Variants in TFIP11 observed in about 807,000 individuals in gnomAD.
The protein encoded by TFIP11 is tuftelin-interacting protein 11.
A neutral mutation model predicts 96.8 loss-of-function variants in TFIP11; 86 were observed. The observed-to-expected ratio is 0.89, with a 90% confidence interval of 0.75 to 1.06. The LOEUF (loss-of-function observed/expected upper bound fraction) is 1.06. TFIP11 is among the 50% of genes least tolerant of loss of function. The pLI is 0.00. For missense variants in TFIP11, 881 were observed against 1,076.7 expected (o/e 0.82, Z 2.54); for synonymous variants, 405 against 395.2 (o/e 1.02, Z -0.29).
rs780933985 is a variant in TFIP11, at chr22:26,499,225, A to G, written c.1208T>C (p.Ile403Thr). Residue 403 changes from isoleucine (I) to threonine (T), a missense_variant, in exon 9 of 15, where the codon ATC becomes ACC. Transcript: ENST00000407690. Reference protein sequence around the residue: ...NPLTLDECARIFETLQDKYYE... With the variant: ...NPLTLDECARTFETLQDKYYE... ...GTACTTGTCCTGCAGGGTTTCGAAG[A>G]TGCGGGCACACTCGTCCAGGGTGAG... The G allele has an allele frequency of 3.1e-6, 5 of 1,614,018 alleles. No individual in the cohort carries two copies. Among genetic ancestry groups the G allele is most frequent in the Non-Finnish European group, 3.4e-6 (4 of 1,179,968 alleles).
chr22:26,506,663 G>A (rs1381405184), intron 5 of TFIP11, 112 bp downstream of exon 5: 1 of 1,437,620 alleles, frequency 7.0e-7, no homozygotes, highest in Non-Finnish European at 9.6e-7. Context: ...CCACCAAAAG[G>A]AGACACTCAC....
intron 4 of TFIP11, among the ~76,000 whole-genome samples, chr22:26,507,630 C>CAA (rs134137): frequency 1.7e-5 from 2 of 115,570 alleles, no homozygotes; most frequent in Admixed American, 8.8e-5. Flanking sequence ...ACCTTATCTC[C>CAA]AAAAAAAAAA....
intron 10 of TFIP11, among the ~76,000 whole-genome samples, chr22:26,497,693 T>C (rs1300438360): frequency 6.6e-6 from 1 of 152,142 alleles, no homozygotes; most frequent in African/African-American, 2.4e-5. Context: ...CTGGCCAACA[T>C]GGTGAAACCC....
chr22:26,492,616 A>G (rs1238208609), intron 14 of TFIP11: 3 of 491,600 alleles, frequency 6.1e-6, no homozygotes, highest in Non-Finnish European at 7.4e-6. Flanking sequence ...AAAATGAAGT[A>G]TCTGCAAGGG....
intron 8 of TFIP11, 30 bp from the exon 9 acceptor site, chr22:26,499,661 C>T: frequency 6.3e-7 from 1 of 1,578,260 alleles, no homozygotes; most frequent in East Asian, 2.2e-5. Context: ...TGAAGGTTAA[C>T]ACCGCTGCAG....
intron 6 of TFIP11, among the ~76,000 whole-genome samples, chr22:26,504,175 A>T (rs1299768083): frequency 1.3e-5 from 2 of 152,178 alleles, no homozygotes; most frequent in Non-Finnish European, 1.5e-5. Flanking sequence ...CCAATACTAT[A>T]CTGATTCTGA....
At chr22:26,508,025 T>C (rs909576207) in intron 4 of TFIP11, among the ~76,000 whole-genome samples, 1 of 152,040 alleles carries the variant, frequency 6.6e-6, no homozygotes, top group Non-Finnish European at 1.5e-5. Context: ...TGAGAAACGC[T>C]TGAACCCAGG....
chr22:26,504,148 G>C (rs1406586786), intron 6 of TFIP11, among the ~76,000 whole-genome samples: 2 of 152,182 alleles, frequency 1.3e-5, no homozygotes, highest in East Asian at 1.9e-4. Context: ...GCCTCTATTA[G>C]GGAAAATGCA....
chr22:26,508,207 G>A (rs1331862682), intron 4 of TFIP11, among the ~76,000 whole-genome samples: 1 of 152,170 alleles, frequency 6.6e-6, no homozygotes, highest in East Asian at 1.9e-4. Context: ...AGAATTTAGG[G>A]AGTTTTTTCC....
In TFIP11 at chr22:26,498,927, C is replaced by G. The variant is rs768071277; in HGVS notation, c.1378G>C (p.Glu460Gln). ...EIISKWKSLL[E>Q]NDQLLSHGGQ... ...CCATGGGACAAGAGCTGGTCATTCTCTAGGAGGCTTTTCCACTTAGAGATG... is the reference window on the plus strand; with the variant it reads ...CCATGGGACAAGAGCTGGTCATTCTGTAGGAGGCTTTTCCACTTAGAGATG... Residue 460 changes from glutamate to glutamine, a missense_variant, in exon 10 of 15, where the codon GAG becomes CAG. By Grantham distance (29) the Glu-to-Gln change is conservative. Transcript: ENST00000407690. The G allele has an allele frequency of 3.1e-6, 5 of 1,613,862 alleles. No homozygotes were observed. In the East Asian group the frequency reaches 8.9e-5, roughly 29 times the overall value.
chr22:26,507,202 G>A (rs868260451), intron 4 of TFIP11, among the ~76,000 whole-genome samples: 2 of 152,126 alleles, frequency 1.3e-5, no homozygotes, highest in African/African-American at 2.4e-5. Context: ...AAAATATGAT[G>A]TGATAATACA....
At position 26,496,751 on chromosome 22, in the gene TFIP11, G is replaced by A. The variant is rs779163266; in HGVS notation, c.1575C>T (p.Asp525=). Residue 525 remains aspartate, a synonymous_variant, in exon 11 of 15, where the codon GAC becomes GAT. Coordinates refer to ENST00000407690, the MANE Select transcript of TFIP11 (RefSeq NM_012143.4). ...TTTGCAGCTTGGGGAAGATGAGTTG[G>A]TCCAGTATGTTATCTAAGATCCACA... ...IPVWILDNIL[D]QLIFPKLQKE... 1 of 1,612,422 alleles carries A rather than the reference G, an allele frequency of 6.2e-7. No homozygotes were observed. The highest frequency in any genetic ancestry group is 8.5e-7 in the Non-Finnish European group (1 of 1,179,444).
chr22:26,505,703 TTTATTTA>T (rs1569164254), intron 6 of TFIP11, among the ~76,000 whole-genome samples: 1 of 72,708 alleles, frequency 1.4e-5, no homozygotes, highest in Non-Finnish European at 2.6e-5. Context: ...ATTCTATTTA[TTTATTTA>T]TTTATTTATT....
intron 12 of TFIP11, 117 bp from the exon 13 acceptor site, chr22:26,495,056 G>C (rs1555920380): frequency 7.3e-7 from 1 of 1,373,364 alleles, no homozygotes; most frequent in Non-Finnish European, 9.9e-7. Flanking sequence ...CCGCCTCCCG[G>C]GTTCAAGTGA....
At position 26,496,797 on chromosome 22, in the gene TFIP11, C is replaced by A; in HGVS notation, c.1529G>T (p.Ser510Ile). 6.2e-7 allele frequency: 1 copy of A among 1,614,172 alleles called. No homozygotes were observed. Among genetic ancestry groups the A allele is most frequent in the Non-Finnish European group, 8.5e-7 (1 of 1,180,032 alleles). ...NCDPMVDFLD[S>I]WVHIIPVWIL... ...CCACACAGGAATAATGTGCACCCAACTATCCAAAAAGTCCACCATCGGGTC... is the reference window on the plus strand; with the variant it reads ...CCACACAGGAATAATGTGCACCCAAATATCCAAAAAGTCCACCATCGGGTC... The change falls in exon 11 of 15, where the codon AGT (serine) becomes ATT (isoleucine). Residue 510 changes from serine (S) to isoleucine (I), a missense_variant. Physicochemically the swap from Ser to Ile is moderately radical, Grantham distance 142 (BLOSUM62 -2). Transcript: ENST00000407690.
rs561422389 is a variant in TFIP11, at chr22:26,506,872, G to A, written c.266C>T (p.Ala89Val). The part of the protein sequence containing the change: ...NFISAGLKKG[A>V]AEEAELEDSD... ...ATCTTCCAACTCTGCCTCCTCCGCT[G>A]CCCCTTTCTTGAGCCCTGCGCTGAT... Residue 89 changes from alanine to valine, a missense_variant, in exon 5 of 15, where the codon GCA (alanine) becomes GTA (valine). By Grantham distance (64) the Ala-to-Val change is moderately conservative. Coordinates refer to ENST00000407690, the MANE Select transcript of TFIP11 (RefSeq NM_012143.4). 81 of 1,614,014 alleles carry A rather than the reference G, an allele frequency of 5.0e-5. No homozygotes were observed. The highest frequency in any genetic ancestry group is 6.4e-5 in the Non-Finnish European group (76 of 1,180,030).
chr22:26,508,988 T>G lies in TFIP11; in HGVS notation c.209+1076A>C, dbSNP rs543367172. On this transcript the variant is annotated intron_variant, in intron 4 of 14. Coordinates refer to ENST00000407690, the MANE Select transcript of TFIP11 (RefSeq NM_012143.4). The stretch of plus-strand genomic sequence containing the variant: ...AGCCAGGGCACACATAACCTTGTGC[T>G]GGGGAGAAGACGTGCAGCCTGAATC... 2.0e-5 allele frequency among the ~76,000 whole-genome samples: 3 copies of G among 152,268 alleles called. No homozygotes were observed. The East Asian group carries it at 5.8e-4, about 29-fold the overall frequency.
chr22:26,491,801 T>G lies in TFIP11; in HGVS notation c.*212A>C. On this transcript the variant is annotated 3_prime_UTR_variant, in exon 15 of 15. Coordinates refer to ENST00000407690, the MANE Select transcript of TFIP11 (RefSeq NM_012143.4). ...GAACATCAACTTGGCTGTCCTGTTTTGAGGACGATACCCCACATGAGGACT... is the reference window on the plus strand; with the variant it reads ...GAACATCAACTTGGCTGTCCTGTTTGGAGGACGATACCCCACATGAGGACT... The G allele has an allele frequency of 1.0e-6, 1 of 982,878 alleles. No homozygotes were observed. Among genetic ancestry groups the G allele is most frequent in the Non-Finnish European group, 1.5e-6 (1 of 677,702 alleles). The allele number at this position is 982,878 out of a possible 1,614,324, so 60.9% of individuals were successfully genotyped here.
intron 4 of TFIP11, among the ~76,000 whole-genome samples, chr22:26,507,279 CA>C (rs1364795369): frequency 6.6e-6 from 1 of 151,984 alleles, no homozygotes; most frequent in East Asian, 1.9e-4. Flanking sequence ...ATTTCAAGTA[CA>C]AAAATCCAAC....
Sources: gnomAD v4.1 joint callset for allele counts (sites outside exome capture counted in the v4.1 genomes callset) on GRCh38, gnomAD v4.1.1 for gene constraint, MANE v1.5 for transcripts, NCBI Gene and HGNC (gene_info 2026-07-23, HGNC 2026-07-21) for gene names.